Variants in STAC observed in about 807,000 individuals in gnomAD.
STAC encodes the protein SH3 and cysteine rich domain.
Under a neutral mutation model 48.8 loss-of-function variants are expected in STAC, and 43 were observed. The ratio of observed to expected loss-of-function variants is 0.88; its 90% CI spans 0.69 to 1.14. The LOEUF (loss-of-function observed/expected upper bound fraction) is 1.14. Ranked by LOEUF, STAC falls within the 50% of genes most tolerant of loss-of-function variation. The pLI is 0.00. For synonymous variants in STAC, 193 were observed against 179.5 expected (o/e 1.07, Z -0.60); for missense variants, 497 against 504.0 (o/e 0.99, Z 0.13).
intron 8 of STAC, among the ~76,000 whole-genome samples, chr3:36,511,534 T>G (rs370102096): frequency 2.7e-4 from 41 of 152,220 alleles, no homozygotes; most frequent in African/African-American, 9.1e-4. Context: ...CCCCTGGAGG[T>G]TCATTCTTTC....
intron 6 of STAC, among the ~76,000 whole-genome samples, chr3:36,495,868 A>G (rs1698140313): frequency 6.6e-6 from 1 of 152,254 alleles, no homozygotes; most frequent in Admixed American, 6.5e-5. Flanking sequence ...AAAGCCTGTT[A>G]GAAATAGCAA....
intron 2 of STAC, among the ~76,000 whole-genome samples, chr3:36,469,627 A>G (rs1697271221): frequency 6.6e-6 from 1 of 152,212 alleles, no homozygotes; most frequent in Non-Finnish European, 1.5e-5. Context: ...CTAGATCTCT[A>G]GCAAGGCCAG....
chr3:36,417,016 A>G (rs1454954236), intron 1 of STAC, among the ~76,000 whole-genome samples: 2 of 152,026 alleles, frequency 1.3e-5, no homozygotes, highest in African/African-American at 4.8e-5. Context: ...TTGGCCAGGG[A>G]GAACTTTGGG....
intron 5 of STAC, 83 bp from the exon 6 acceptor site, chr3:36,493,068 A>T: frequency 7.5e-7 from 1 of 1,340,898 alleles, no homozygotes; most frequent in Non-Finnish European, 1.0e-6. Flanking sequence ...AATTCTACCT[A>T]AGCTCTCTTA....
At chr3:36,390,871 T>A (rs1260094196) in intron 1 of STAC, among the ~76,000 whole-genome samples, 1 of 152,150 alleles carries the variant, frequency 6.6e-6, no homozygotes, top group Non-Finnish European at 1.5e-5. Context: ...ATTTGAAAAT[T>A]TTTTTCCATT....
In STAC at chr3:36,443,575, A is replaced by G. The variant is rs1559493356; in HGVS notation, c.323A>G (p.His108Arg). ...RAGLHPGGKAHAFQEYIFKKP... is the reference protein window; with the variant it reads ...RAGLHPGGKARAFQEYIFKKP... ...GGTCTGCATCCAGGTGGCAAGGCTCATGCCTTTCAGGAATACATCTTCAAG... is the reference window on the plus strand; with the variant it reads ...GGTCTGCATCCAGGTGGCAAGGCTCGTGCCTTTCAGGAATACATCTTCAAG... The change falls in exon 2 of 11, where the codon CAT (histidine) becomes CGT (arginine). Residue 108 changes from histidine (H) to arginine (R), a missense_variant. Coordinates refer to ENST00000273183, the MANE Select transcript of STAC (RefSeq NM_003149.3). The surrounding 1 kb of genome is among the most constrained non-coding windows in gnomAD (Gnocchi z 4.2). 1 of 1,614,048 alleles carries G rather than the reference A, an allele frequency of 6.2e-7. No homozygotes were observed. The highest frequency in any genetic ancestry group is 8.5e-7 in the Non-Finnish European group (1 of 1,180,050).
chr3:36,527,746 G>A (rs1698969141), intron 8 of STAC, among the ~76,000 whole-genome samples: 1 of 152,186 alleles, frequency 6.6e-6, no homozygotes, highest in Admixed American at 6.5e-5. Context: ...AATTGTCACA[G>A]CTGTGTTGAA....
At position 36,516,809 on chromosome 3, in the gene STAC, T is replaced by C. The variant is rs551032205; in HGVS notation, c.920+10975T>C. ...ATTAAACAGGATAATATAAATAAAA[T>C]GTGGAATTTCATGCCCAGTACAAAG... is the stretch of plus-strand genomic sequence containing the variant. On this transcript the variant is annotated intron_variant, in intron 8 of 10. Coordinates refer to ENST00000273183, the MANE Select transcript of STAC (RefSeq NM_003149.3). 8.5e-5 allele frequency among the ~76,000 whole-genome samples: 13 copies of C among 152,330 alleles called. No homozygotes were observed. In the East Asian group the frequency reaches 1.9e-3, roughly 23 times the overall value.
At chr3:36,514,204 CTTTT>C (rs765548085) in intron 8 of STAC, among the ~76,000 whole-genome samples, 13 of 36,434 alleles carry the variant, frequency 3.6e-4, no homozygotes, top group East Asian at 2.7e-3. Context: ...CACTGGCCTT[CTTTT>C]TTTTTTTTTT....
intron 2 of STAC, among the ~76,000 whole-genome samples, chr3:36,471,220 A>G (rs1285253713): frequency 6.6e-6 from 1 of 152,122 alleles, no homozygotes; most frequent in Admixed American, 6.5e-5. Context: ...CCCCTGATAA[A>G]CCTATCAGTT....
At chr3:36,403,604 A>C (rs968469417) in intron 1 of STAC, among the ~76,000 whole-genome samples, 11 of 152,192 alleles carry the variant, frequency 7.2e-5, no homozygotes, top group Non-Finnish European at 1.6e-4. Flanking sequence ...AAATGTAAAA[A>C]TGATATGTGA....
intron 5 of STAC, 116 bp from the exon 6 acceptor site, chr3:36,493,029 GCAATCA>G (rs1698033176): frequency 2.4e-6 from 2 of 840,346 alleles, no homozygotes; most frequent in Non-Finnish European, 3.7e-6. Context: ...AGCCAAGACA[GCAATCA>G]CTGGGTCCTT....
At chr3:36,426,987 A>G (rs1700580747) in intron 1 of STAC, among the ~76,000 whole-genome samples, 1 of 152,172 alleles carries the variant, frequency 6.6e-6, no homozygotes, top group Non-Finnish European at 1.5e-5. Context: ...TTGCCCTTCA[A>G]CTCATCTCCA....
In STAC at chr3:36,407,871, A is replaced by G. The variant is rs547823754; in HGVS notation, c.111+27117A>G. Among the ~76,000 whole-genome samples, 6 of 152,294 alleles carry G rather than the reference A, an allele frequency of 3.9e-5. No homozygotes were observed. In the South Asian group the frequency reaches 1.2e-3, roughly 32 times the overall value. On this transcript the variant is annotated intron_variant, in intron 1 of 10. Transcript: ENST00000273183. Reference sequence around the variant, plus strand: ...CTCCCTTAGTATCTTATGAGGTGGGAATTGAGGTGTCAGGATTTCAATCTC... The same window carrying G: ...CTCCCTTAGTATCTTATGAGGTGGGGATTGAGGTGTCAGGATTTCAATCTC...
At chr3:36,492,196 A>G (rs547192129) in intron 5 of STAC, among the ~76,000 whole-genome samples, 1 of 150,868 alleles carries the variant, frequency 6.6e-6, no homozygotes, top group African/African-American at 2.4e-5. Flanking sequence ...TTAACAACCA[A>G]GTCAGAACTG....
intron 1 of STAC, among the ~76,000 whole-genome samples, chr3:36,408,048 C>G (rs1340989959): frequency 6.6e-6 from 1 of 152,172 alleles, no homozygotes; most frequent in Admixed American, 6.5e-5. Context: ...TGCCACATGG[C>G]CCCCCTCCTC....
In STAC at chr3:36,528,796, C is replaced by G. The variant is rs763465147; in HGVS notation, c.972+49C>G. ...AAAAAAAGAGAAAATCATTTGGTAA[C>G]TATTATAATACATGCTACAATTGTG... On this transcript the variant is annotated intron_variant, in intron 9 of 10. Coordinates refer to ENST00000273183, the MANE Select transcript of STAC (RefSeq NM_003149.3). 6 of 1,603,886 alleles carry G rather than the reference C, an allele frequency of 3.7e-6. No homozygotes were observed. In the South Asian group the frequency reaches 6.8e-5, roughly 18 times the overall value.
At chr3:36,470,569 G>C (rs555702392) in intron 2 of STAC, among the ~76,000 whole-genome samples, 36 of 152,342 alleles carry the variant, frequency 2.4e-4, no homozygotes, top group Non-Finnish European at 4.7e-4. Flanking sequence ...ACCTTCAAGA[G>C]CACATCAGCT....
chr3:36,447,135 T>C (rs1322085946), intron 2 of STAC, among the ~76,000 whole-genome samples: 1 of 152,154 alleles, frequency 6.6e-6, no homozygotes, highest in Admixed American at 6.5e-5. Flanking sequence ...CGAGTGGTCC[T>C]ACCTTCAGAC....
Sources: gnomAD v4.1 joint callset for allele counts (sites outside exome capture counted in the v4.1 genomes callset) on GRCh38, gnomAD v4.1.1 for gene constraint, Gnocchi (gnomAD v3.1) non-coding constraint, MANE v1.5 for transcripts, NCBI Gene and HGNC (gene_info 2026-07-23, HGNC 2026-07-21) for gene names.